The following BIVM variants were observed in gnomAD, a reference collection of about 807,000 sequenced individuals.
BIVM encodes the protein basic immunoglobulin-like variable motif-containing protein.
In BIVM, 31 loss-of-function variants were observed where a neutral mutation model predicts 61.4. The ratio of observed to expected loss-of-function variants is 0.51; its 90% CI spans 0.38 to 0.68. The LOEUF (loss-of-function observed/expected upper bound fraction) is 0.68, where lower values mean the gene tolerates loss of function less well. BIVM is among the 30% of genes least tolerant of loss of function. The pLI is 0.00. For synonymous variants in BIVM, 189 were observed against 210.7 expected, an observed-to-expected ratio of 0.90 and a Z score of 0.89; for missense variants, 526 against 596.0, an observed-to-expected ratio of 0.88 and a Z score of 1.22.
chr13:102,823,335 A>G (rs529890717), intron 7 of BIVM, among the ~76,000 whole-genome samples: 2 of 152,294 alleles, frequency 1.3e-5, no homozygotes, highest in Admixed American at 6.5e-5. Context: ...TGGAGATTAC[A>G]TGTTGCTTTC....
At chr13:102,816,288 TTTG>T (rs1879863928) in intron 3 of BIVM, 137 bp from the exon 4 acceptor site, 2 of 762,182 alleles carry the variant, frequency 2.6e-6, no homozygotes, top group Non-Finnish European at 3.8e-6. Flanking sequence ...CAGTTATTTA[TTTG>T]TTATTATTTT....
chr13:102,822,340 T>C (rs2274389), intron 7 of BIVM, among the ~76,000 whole-genome samples, 181 bp downstream of exon 7: 53,964 of 152,182 alleles, frequency 0.35, 11,449 homozygotes, highest in Non-Finnish European at 0.48. Flanking sequence ...ATAAGCAGTT[T>C]AATATTTTAC....
At chr13:102,821,908 A>C in intron 6 of BIVM, 61 bp downstream of exon 6, 8 of 1,572,138 alleles carry the variant, frequency 5.1e-6, no homozygotes, top group Non-Finnish European at 7.0e-6. Flanking sequence ...ATAATGATGT[A>C]GATGTGTGTT....
intron 7 of BIVM, among the ~76,000 whole-genome samples, chr13:102,822,903 CAAA>C (rs1485432362): frequency 3.3e-5 from 5 of 152,064 alleles, no homozygotes; most frequent in African/African-American, 1.2e-4. Flanking sequence ...CTGAATACAG[CAAA>C]GACAACAAAG....
chr13:102,803,394 T>C (rs1170405055), intron 1 of BIVM, among the ~76,000 whole-genome samples: 1 of 151,842 alleles, frequency 6.6e-6, no homozygotes, highest in Admixed American at 6.6e-5. Flanking sequence ...TTCCAGCTAC[T>C]CCAGAGGCTG....
chr13:102,825,696 A>G (rs759012363), intron 7 of BIVM, among the ~76,000 whole-genome samples: 9 of 152,152 alleles, frequency 5.9e-5, no homozygotes, highest in Non-Finnish European at 8.8e-5. Flanking sequence ...CCTGCTGTGG[A>G]GCATGTGGAA....
At chr13:102,808,514 T>C (rs10508096) in intron 3 of BIVM, among the ~76,000 whole-genome samples, 14,312 of 152,212 alleles carry the variant, frequency 0.094, 902 homozygotes, top group Admixed American at 0.14. Context: ...TGCTTGTTTA[T>C]CTGCAAAATC....
rs1222767961 is a variant in BIVM, at chr13:102,839,589, T to C, written c.1236T>C (p.His412=). The C allele has an allele frequency of 1.2e-6, 2 of 1,613,924 alleles. No individual in the cohort carries two copies. The highest frequency in any genetic ancestry group is 1.7e-6 in the Non-Finnish European group (2 of 1,179,912). ...CTTCTCAGGTTGGGGGAAATTTGCA[T>C]TGCATCATAGCATTCCAGAGACTTA... ...RKTKKVGGNL[H]CIIAFQRLNW... is the part of the protein sequence containing the mutation. The change falls in exon 11 of 11, where the codon CAT becomes CAC. Residue 412 remains histidine, a synonymous_variant. Transcript: ENST00000257336.
chr13:102,802,712 A>G (rs1878816548), intron 1 of BIVM, among the ~76,000 whole-genome samples: 1 of 151,766 alleles, frequency 6.6e-6, no homozygotes, highest in East Asian at 1.9e-4. Flanking sequence ...TAAAAACACA[A>G]ACAAACCAGA....
At position 102,807,580 on chromosome 13, in the gene BIVM, A is replaced by G. The variant is rs1399675638; in HGVS notation, c.313A>G (p.Asn105Asp). 6.2e-7 allele frequency: 1 copy of G among 1,614,090 alleles called. No individual in the cohort carries two copies. Among genetic ancestry groups the G allele is most frequent in the Non-Finnish European group, 8.5e-7 (1 of 1,180,036 alleles). Residue 105 changes from asparagine to aspartate, a missense_variant, in exon 3 of 11, where the codon AAT (asparagine) becomes GAT (aspartate). Coordinates refer to ENST00000257336, the MANE Select transcript of BIVM (RefSeq NM_017693.4). This position sits in a 1 kb window ranked among gnomAD's most constrained non-coding sequence, Gnocchi z 4.0. ...PDSTSLSAGNNSSRYIGIPTS... is the reference protein window; with the variant it reads ...PDSTSLSAGNDSSRYIGIPTS... ...TAGTACCTCTTTATCTGCTGGAAAT[A>G]ATTCATCAAGATACATTGGTATCCC...
intron 5 of BIVM, 36 bp from the exon 6 acceptor site, chr13:102,821,707 T>C (rs762343841): frequency 6.3e-7 from 1 of 1,597,304 alleles, no homozygotes; most frequent in Admixed American, 1.7e-5. Flanking sequence ...ATGACTGGAA[T>C]TGAAAAATGA....
intron 5 of BIVM, 53 bp downstream of exon 5, chr13:102,821,185 C>T (rs1595349490): frequency 6.7e-7 from 1 of 1,496,534 alleles, no homozygotes. Context: ...TTTGATGTTG[C>T]TTTTTCTATA....
chr13:102,813,893 C>G (rs1317758743), intron 3 of BIVM, among the ~76,000 whole-genome samples: 1 of 152,038 alleles, frequency 6.6e-6, no homozygotes, highest in Non-Finnish European at 1.5e-5. Flanking sequence ...GAATTTGGGC[C>G]CCCTCTTCTC....
Position 102,831,550 on chromosome 13 carries a change from G to A in BIVM, c.902-15G>A, listed in dbSNP as rs1485046252. On this transcript the variant is annotated splice_polypyrimidine_tract_variant and intron_variant, in intron 7 of 10. Transcript: ENST00000257336. ...TTATGGGCTTTCAGTTTGTGTGTTT[G>A]TTTGTTTTTAATAGCTTCAGGGGCC... 2 of 1,613,744 alleles carry A rather than the reference G, an allele frequency of 1.2e-6. No homozygotes were observed. Among genetic ancestry groups the A allele is most frequent in the East Asian group, 2.2e-5 (1 of 44,876 alleles).
At chr13:102,827,049 A>G (rs117544252) in intron 7 of BIVM, among the ~76,000 whole-genome samples, 3,194 of 152,340 alleles carry the variant, frequency 0.021, 48 homozygotes, top group Non-Finnish European at 0.036. Flanking sequence ...CTGGAATTTT[A>G]AAAGATTTTT....
chr13:102,840,841 C>T lies in BIVM; in HGVS notation c.*976C>T, dbSNP rs1391388136. ...GAAAGACTTTTATAAGTCTAGATGA[C>T]GTTTGCCTTAGGGGTAAAGTAAAAG... On this transcript the variant is annotated 3_prime_UTR_variant, in exon 11 of 11. Coordinates refer to ENST00000257336, the MANE Select transcript of BIVM (RefSeq NM_017693.4). 2 of 151,972 alleles carry T rather than the reference C, an allele frequency of 1.3e-5. No homozygotes were observed. The highest frequency in any genetic ancestry group is 2.4e-5 in the African/African-American group (1 of 41,380). The allele number at this position is 151,972 out of a possible 1,614,324, so 9.4% of individuals were successfully genotyped here. A position where few individuals can be genotyped will look rare whatever the true frequency, so the allele number is the denominator to read the frequency against.
At chr13:102,831,162 G>A (rs1035257696) in intron 7 of BIVM, among the ~76,000 whole-genome samples, 1 of 152,040 alleles carries the variant, frequency 6.6e-6, no homozygotes, top group Non-Finnish European at 1.5e-5. Flanking sequence ...TAGTACAGTG[G>A]TATATGTATA....
chr13:102,819,880 T>A (rs1182754706), intron 4 of BIVM, among the ~76,000 whole-genome samples: 2 of 152,212 alleles, frequency 1.3e-5, no homozygotes, highest in Non-Finnish European at 2.9e-5. Context: ...TTGTAATTAA[T>A]TTTTAGACCA....
At chr13:102,829,703 G>T (rs1880928331) in intron 7 of BIVM, among the ~76,000 whole-genome samples, 2 of 152,058 alleles carry the variant, frequency 1.3e-5, no homozygotes, top group African/African-American at 4.8e-5. Flanking sequence ...GCTGGGCGTG[G>T]TGGTGAGTGC....
Sources: gnomAD v4.1 joint callset for allele counts (sites outside exome capture counted in the v4.1 genomes callset) on GRCh38, gnomAD v4.1.1 for gene constraint, Gnocchi (gnomAD v3.1) non-coding constraint, MANE v1.5 for transcripts, NCBI Gene and HGNC (gene_info 2026-07-23, HGNC 2026-07-21) for gene names.